The following CSMD1 variants were observed in gnomAD, a reference collection of about 807,000 sequenced individuals.
CSMD1 encodes the protein CUB and sushi domain-containing protein 1.
In CSMD1, 213 loss-of-function variants were observed where a neutral mutation model predicts 417.5. That is an observed-to-expected ratio of 0.51 (90% CI 0.46 to 0.57). The LOEUF (loss-of-function observed/expected upper bound fraction) is 0.57, where lower values mean the gene tolerates loss of function less well. CSMD1 is among the 20% of genes least tolerant of loss of function. The pLI, the probability that CSMD1 is intolerant of heterozygous loss-of-function variation, is 0.00. For missense variants in CSMD1, 6,923 were observed against 4,529.7 expected, an observed-to-expected ratio of 1.53 and a Z score of -15.17; for synonymous variants, 2,862 against 1,736.8, an observed-to-expected ratio of 1.65 and a Z score of -16.11.
intron 1 of CSMD1, among the ~76,000 whole-genome samples, chr8:4,845,133 A>T (rs1205761518): frequency 6.6e-6 from 1 of 152,214 alleles, no homozygotes; most frequent in Non-Finnish European, 1.5e-5. Context: ...TTATTAGTAT[A>T]TAAAAATTAT....
At chr8:3,290,800 A>G (rs1803497350) in intron 25 of CSMD1, among the ~76,000 whole-genome samples, 1 of 148,204 alleles carries the variant, frequency 6.7e-6, no homozygotes, top group Non-Finnish European at 1.5e-5. Flanking sequence ...CTCTTTTCCT[A>G]ATTGAATACT....
chr8:3,337,745 C>T (rs951777451), intron 23 of CSMD1, among the ~76,000 whole-genome samples: 11 of 152,112 alleles, frequency 7.2e-5, no homozygotes, highest in African/African-American at 1.7e-4. Flanking sequence ...CACCTGGAAT[C>T]GGCCTAATGG....
At chr8:4,852,458 T>C (rs1801533993) in intron 1 of CSMD1, among the ~76,000 whole-genome samples, 1 of 152,184 alleles carries the variant, frequency 6.6e-6, no homozygotes, top group African/African-American at 2.4e-5. Flanking sequence ...GATTGAATGC[T>C]TGATGAGGCC....
chr8:3,325,089 C>A (rs1212381542), intron 23 of CSMD1, among the ~76,000 whole-genome samples: 6 of 152,072 alleles, frequency 3.9e-5, no homozygotes, highest in Admixed American at 3.3e-4. Context: ...GATTTTAGAA[C>A]ATTTTTTCTT....
At chr8:4,083,596 T>G (rs914261661) in intron 3 of CSMD1, among the ~76,000 whole-genome samples, 3 of 152,164 alleles carry the variant, frequency 2.0e-5, no homozygotes, top group African/African-American at 7.2e-5. Flanking sequence ...GGGGAAAGGA[T>G]TCCCTATTTA....
chr8:4,576,242 C>A (rs1263670490), intron 2 of CSMD1, among the ~76,000 whole-genome samples: 1 of 152,212 alleles, frequency 6.6e-6, no homozygotes, highest in Non-Finnish European at 1.5e-5. Context: ...TTCCAGGCAC[C>A]CTTCTAGTTC....
chr8:4,918,486 T>A (rs1806219043), intron 1 of CSMD1, among the ~76,000 whole-genome samples: 1 of 152,100 alleles, frequency 6.6e-6, no homozygotes, highest in Admixed American at 6.5e-5. Context: ...GCACAATGTG[T>A]ATGTCTGCTC....
At position 4,275,996 on chromosome 8, in the gene CSMD1, A is replaced by T. The variant is rs144429958; in HGVS notation, c.415+143957T>A. On this transcript the variant is annotated intron_variant, in intron 3 of 69. Transcript: ENST00000635120. ...GCAGATGCTGGAGAGACTGTGGAGA[A>T]ATAGGAATGCTTTTACAATGTTGGT... 2.1e-3 allele frequency among the ~76,000 whole-genome samples: 318 copies of T among 152,322 alleles called. 2 individuals carry two copies. The highest frequency in any genetic ancestry group is 7.4e-3 in the African/African-American group (307 of 41,560).
intron 68 of CSMD1, among the ~76,000 whole-genome samples, chr8:2,942,806 T>C (rs917957553): frequency 6.6e-6 from 1 of 152,160 alleles, no homozygotes; most frequent in South Asian, 2.1e-4. Flanking sequence ...TTCCTACTAA[T>C]AATGGAGAAT....
chr8:2,968,964 TTTA>T (rs1479007907), intron 57 of CSMD1, among the ~76,000 whole-genome samples: 73 of 152,274 alleles, frequency 4.8e-4, no homozygotes, highest in African/African-American at 1.7e-3. Flanking sequence ...TTAAATATAC[TTTA>T]TTATTTACAA....
intron 3 of CSMD1, among the ~76,000 whole-genome samples, chr8:4,217,781 G>C (rs1420498743): frequency 9.9e-5 from 15 of 152,048 alleles, no homozygotes; most frequent in Non-Finnish European, 1.8e-4. Context: ...AGGATTGTTG[G>C]GCTAAGAGAC....
intron 10 of CSMD1, among the ~76,000 whole-genome samples, chr8:3,571,225 C>A (rs962523434): frequency 6.6e-6 from 1 of 152,168 alleles, no homozygotes; most frequent in African/African-American, 2.4e-5. Context: ...ATGCTGTCAT[C>A]CTAATTTCTG....
At chr8:3,252,360 A>G (rs1800336159) in intron 26 of CSMD1, among the ~76,000 whole-genome samples, 1 of 152,344 alleles carries the variant, frequency 6.6e-6, no homozygotes, top group Non-Finnish European at 1.5e-5. Context: ...ATGCTGGATT[A>G]CATTTATTGA....
intron 3 of CSMD1, among the ~76,000 whole-genome samples, chr8:4,187,144 G>A (rs565825996): frequency 6.3e-3 from 34 of 5,432 alleles, no homozygotes; most frequent in Admixed American, 0.012. Context: ...AAAACATATT[G>A]ATTTACTGCT....
intron 7 of CSMD1, among the ~76,000 whole-genome samples, chr8:3,684,632 C>T (rs1331098098): frequency 4.9e-5 from 7 of 142,964 alleles, no homozygotes; most frequent in Non-Finnish European, 1.0e-4. Context: ...GAGTCTCGCT[C>T]TCTCGCCCAG....
chr8:4,236,495 G>C (rs899150304), intron 3 of CSMD1, among the ~76,000 whole-genome samples: 1 of 152,102 alleles, frequency 6.6e-6, no homozygotes, highest in African/African-American at 2.4e-5. Context: ...GCCAGAGTAG[G>C]AATCTGAGAT....
intron 1 of CSMD1, among the ~76,000 whole-genome samples, chr8:4,943,485 G>C (rs1466871313): frequency 7.6e-6 from 1 of 132,226 alleles, no homozygotes; most frequent in Non-Finnish European, 1.6e-5. Context: ...GACAGAGTGA[G>C]ACACCGTCTC....
chr8:3,248,702 T>C (rs1800058834), intron 26 of CSMD1, among the ~76,000 whole-genome samples: 1 of 151,972 alleles, frequency 6.6e-6, no homozygotes, highest in South Asian at 2.1e-4. Flanking sequence ...TTTTGGTAAA[T>C]TTCTATTATT....
chr8:4,229,591 T>C (rs897605252), intron 3 of CSMD1, among the ~76,000 whole-genome samples: 1 of 152,106 alleles, frequency 6.6e-6, no homozygotes, highest in Non-Finnish European at 1.5e-5. Context: ...CTGTTTCCAC[T>C]GCATGAAGGC....
Sources: allele counts gnomAD v4.1 joint callset (sites outside exome capture counted in the v4.1 genomes callset), GRCh38; gene constraint gnomAD v4.1.1; transcripts MANE v1.5; gene names NCBI Gene and HGNC (gene_info 2026-07-23, HGNC 2026-07-21).